Variants in RBFOX1 observed in about 807,000 individuals in gnomAD.
RBFOX1 encodes RNA binding fox-1 homolog 1.
RBFOX1 carries 8 observed loss-of-function variants against 57.7 expected under a neutral mutation model. The observed-to-expected ratio is 0.14, with a 90% CI of 0.08 to 0.25. The LOEUF (loss-of-function observed/expected upper bound fraction) is 0.25. Ranked by LOEUF, RBFOX1 falls within the 10% of genes least tolerant of loss-of-function variation. The pLI, the probability that RBFOX1 is intolerant of heterozygous loss-of-function variation, is 1.00. For synonymous variants in RBFOX1, 326 were observed against 222.4 expected (o/e 1.47, Z -4.15); for missense variants, 611 against 548.5 (o/e 1.11, Z -1.14).
intron 1 of RBFOX1, among the ~76,000 whole-genome samples, chr16:6,299,164 A>G (rs942042470): frequency 6.6e-6 from 1 of 152,252 alleles, no homozygotes; most frequent in African/African-American, 2.4e-5. Context: ...GCTGAATACT[A>G]GCACCATGGG....
chr16:7,692,892 T>TC (rs1199420809), intron 14 of RBFOX1, among the ~76,000 whole-genome samples: 1 of 151,802 alleles, frequency 6.6e-6, no homozygotes, highest in Admixed American at 6.6e-5. Context: ...TTTTCTTATT[T>TC]TTTTTTGATA....
chr16:6,034,242 G>A (rs2072236165), intron 1 of RBFOX1, among the ~76,000 whole-genome samples: 1 of 133,916 alleles, frequency 7.5e-6, no homozygotes, highest in South Asian at 2.5e-4. Flanking sequence ...GGCTGAGGCA[G>A]AAGAATTGCT....
intron 1 of RBFOX1, among the ~76,000 whole-genome samples, chr16:6,147,543 A>G (rs1490497405): frequency 6.6e-6 from 1 of 152,194 alleles, no homozygotes; most frequent in East Asian, 1.9e-4. Flanking sequence ...AAGGTCCCCA[A>G]TAGGAGCTAC....
At position 6,594,196 on chromosome 16, in the gene RBFOX1, C is replaced by A. The variant is rs1167708547; in HGVS notation, c.-63-60407C>A. On this transcript the variant is annotated intron_variant, in intron 2 of 15. Coordinates refer to ENST00000550418, the MANE Select transcript of RBFOX1 (RefSeq NM_018723.4). ...TTTGTCTAGTAAGAGTGTGAAGTGC[C>A]CAGGAAGGTGCTTCCAGCAAATAAT... 2.0e-5 allele frequency among the ~76,000 whole-genome samples: 3 copies of A among 151,858 alleles called. No individual in the cohort carries two copies. The East Asian group carries it at 5.8e-4, about 29-fold the overall frequency.
At chr16:7,495,989 A>T (rs2068512166) in intron 4 of RBFOX1, among the ~76,000 whole-genome samples, 1 of 152,230 alleles carries the variant, frequency 6.6e-6, no homozygotes, top group South Asian at 2.1e-4. Context: ...AAGTACTTCC[A>T]TACAGAGAAG....
intron 2 of RBFOX1, among the ~76,000 whole-genome samples, chr16:6,508,488 A>G (rs1398713509): frequency 6.6e-6 from 1 of 152,178 alleles, no homozygotes; most frequent in African/African-American, 2.4e-5. Context: ...AGAAAACATA[A>G]TTCAGCTAAT....
chr16:6,827,420 A>T (rs1353280770), intron 3 of RBFOX1, among the ~76,000 whole-genome samples: 1 of 151,864 alleles, frequency 6.6e-6, no homozygotes, highest in Non-Finnish European at 1.5e-5. Context: ...ATAGGGAAGG[A>T]AGAGAAGTTT....
intron 2 of RBFOX1, among the ~76,000 whole-genome samples, chr16:5,501,105 C>G (rs900477847): frequency 3.3e-5 from 5 of 152,048 alleles, no homozygotes; most frequent in Non-Finnish European, 7.4e-5. Context: ...CACCTGAGGT[C>G]AGGAGTTTGA....
At chr16:6,134,746 C>T (rs563983465) in intron 1 of RBFOX1, among the ~76,000 whole-genome samples, 10 of 150,000 alleles carry the variant, frequency 6.7e-5, no homozygotes, top group East Asian at 2.0e-4. Context: ...GGTGTGATGT[C>T]GGCTCACTGC....
intron 1 of RBFOX1, among the ~76,000 whole-genome samples, chr16:6,263,397 A>T (rs1017218094): frequency 1.3e-5 from 2 of 152,172 alleles, no homozygotes; most frequent in Non-Finnish European, 2.9e-5. Flanking sequence ...ATAAAGAGAG[A>T]GGCTCTGATA....
chr16:7,139,480 C>T (rs935874112), intron 4 of RBFOX1, among the ~76,000 whole-genome samples: 1 of 152,040 alleles, frequency 6.6e-6, no homozygotes, highest in African/African-American at 2.4e-5. Context: ...GAGGAAAATC[C>T]TAACTAAATA....
intron 2 of RBFOX1, among the ~76,000 whole-genome samples, chr16:6,517,289 C>T (rs1016016197): frequency 1.3e-5 from 2 of 152,190 alleles, no homozygotes; most frequent in Non-Finnish European, 2.9e-5. Flanking sequence ...TGCTCTAATC[C>T]AGACATAACT....
intron 3 of RBFOX1, among the ~76,000 whole-genome samples, chr16:6,666,626 G>T (rs2098734776): frequency 6.6e-6 from 1 of 151,308 alleles, no homozygotes. Flanking sequence ...GGAAGTCTTT[G>T]TTTGACTCTT....
At chr16:5,315,330 C>T (rs1472905477) in intron 1 of RBFOX1, among the ~76,000 whole-genome samples, 2 of 152,140 alleles carry the variant, frequency 1.3e-5, no homozygotes, top group African/African-American at 4.8e-5. Flanking sequence ...ACTATTATTG[C>T]CCCACAGGCC....
intron 4 of RBFOX1, among the ~76,000 whole-genome samples, chr16:7,249,924 A>G (rs889503587): frequency 2.6e-5 from 4 of 152,208 alleles, no homozygotes; most frequent in Non-Finnish European, 5.9e-5. Flanking sequence ...TACACTCTCA[A>G]CAGTAGTGTT....
intron 1 of RBFOX1, among the ~76,000 whole-genome samples, chr16:6,090,843 G>A (rs144022498): frequency 1.8e-4 from 28 of 152,276 alleles, no homozygotes; most frequent in African/African-American, 6.3e-4. Context: ...TGAGAGCAGA[G>A]GGGAAGAGAA....
At chr16:5,697,535 C>CTTTTTTTTTTT (rs35569754) in intron 3 of RBFOX1, among the ~76,000 whole-genome samples, 1 of 138,814 alleles carries the variant, frequency 7.2e-6, no homozygotes, top group Non-Finnish European at 1.5e-5. Context: ...CTTTTCTATT[C>CTTTTTTTTTTT]TTTTTTTTTT....
chr16:6,058,396 C>T (rs1307524296), intron 1 of RBFOX1, among the ~76,000 whole-genome samples: 1 of 151,926 alleles, frequency 6.6e-6, no homozygotes, highest in African/African-American at 2.4e-5. Context: ...CCTTTGCTAA[C>T]TTCTTGCACT....
intron 2 of RBFOX1, among the ~76,000 whole-genome samples, chr16:5,478,106 G>A (rs1352372538): frequency 6.6e-6 from 1 of 152,174 alleles, no homozygotes; most frequent in African/African-American, 2.4e-5. Flanking sequence ...AGATGACAGG[G>A]AAGCAGCCAA....
Sources: allele counts gnomAD v4.1 joint callset (sites outside exome capture counted in the v4.1 genomes callset), GRCh38; gene constraint gnomAD v4.1.1; transcripts MANE v1.5; gene names NCBI Gene and HGNC (gene_info 2026-07-23, HGNC 2026-07-21).